DLG1: variants seen among roughly 807,000 people sequenced by gnomAD.
DLG1 encodes discs large MAGUK scaffold protein 1.
A neutral mutation model predicts 123.4 loss-of-function variants in DLG1; 42 were observed. That is an observed-to-expected ratio of 0.34 (90% CI 0.27 to 0.44). The LOEUF is 0.44. DLG1 is among the 20% of genes least tolerant of loss of function. The pLI is 1.00. For synonymous variants in DLG1, 317 were observed against 356.2 expected, an observed-to-expected ratio of 0.89 and a Z score of 1.24; for missense variants, 942 against 1,082.6, an observed-to-expected ratio of 0.87 and a Z score of 1.82.
chr3:197,064,520 T>C (rs1738199469), intron 22 of DLG1, among the ~76,000 whole-genome samples: 1 of 152,208 alleles, frequency 6.6e-6, no homozygotes, highest in Non-Finnish European at 1.5e-5. Flanking sequence ...ATGACTACAG[T>C]TGAACGTCAT....
chr3:197,075,757 T>C, intron 18 of DLG1: 6 of 1,302,050 alleles, frequency 4.6e-6, no homozygotes, highest in South Asian at 3.9e-5. Flanking sequence ...GGCACTACCA[T>C]GAATCTCAAA....
intron 4 of DLG1, among the ~76,000 whole-genome samples, chr3:197,255,965 C>A (rs937906332): frequency 1.3e-5 from 2 of 151,934 alleles, no homozygotes; most frequent in Admixed American, 6.6e-5. Context: ...ATGAAAATAA[C>A]CAGGCTGTGA....
intron 5 of DLG1, among the ~76,000 whole-genome samples, chr3:197,157,234 A>G (rs1577222705): frequency 6.6e-6 from 1 of 152,246 alleles, no homozygotes; most frequent in African/African-American, 2.4e-5. Flanking sequence ...AGGAAGAAGC[A>G]AAATTACTTG....
chr3:197,115,829 A>G, intron 13 of DLG1, 98 bp downstream of exon 13: 1 of 1,162,378 alleles, frequency 8.6e-7, no homozygotes, highest in Admixed American at 2.4e-5. Context: ...TAACCAAGAT[A>G]TCCCCATTAC....
intron 4 of DLG1, among the ~76,000 whole-genome samples, chr3:197,227,037 G>T (rs1740325167): frequency 6.6e-6 from 1 of 152,114 alleles, no homozygotes; most frequent in Non-Finnish European, 1.5e-5. Context: ...CTCAAAAGCT[G>T]AATTAACAAA....
chr3:197,285,436 GATA>G (rs1476023120), intron 3 of DLG1, among the ~76,000 whole-genome samples: 2 of 151,942 alleles, frequency 1.3e-5, no homozygotes, highest in Admixed American at 6.6e-5. Context: ...TCTATGAGAA[GATA>G]ATAATTTTAT....
chr3:197,289,367 C>CACACACAA (rs3219866), intron 3 of DLG1, among the ~76,000 whole-genome samples: 2 of 151,944 alleles, frequency 1.3e-5, no homozygotes, highest in South Asian at 2.1e-4. Flanking sequence ...CACACACACA[C>CACACACAA]AAATAACATT....
intron 6 of DLG1, among the ~76,000 whole-genome samples, chr3:197,143,378 C>G (rs1789045340): frequency 6.6e-6 from 1 of 152,138 alleles, no homozygotes; most frequent in African/African-American, 2.4e-5. Flanking sequence ...GCCTCAGCCT[C>G]CCGAGTAGCT....
chr3:197,193,350 A>T (rs1204536370), intron 5 of DLG1, among the ~76,000 whole-genome samples: 1 of 152,178 alleles, frequency 6.6e-6, no homozygotes, highest in Non-Finnish European at 1.5e-5. Context: ...AACAATGCCA[A>T]AAATAAGAAT....
intron 19 of DLG1, 123 bp downstream of exon 19, chr3:197,069,096 C>G: frequency 1.9e-6 from 1 of 536,730 alleles, no homozygotes; most frequent in Non-Finnish European, 3.1e-6. Context: ...TTGTCTCTCC[C>G]TGATTTTAAA....
At chr3:197,170,481 T>C (rs970451723) in intron 5 of DLG1, among the ~76,000 whole-genome samples, 1 of 152,200 alleles carries the variant, frequency 6.6e-6, no homozygotes, top group Non-Finnish European at 1.5e-5. Context: ...TCTCGTGGCT[T>C]TGATTTGCAT....
chr3:197,081,265 T>C (rs966219550), intron 16 of DLG1, 148 bp from the exon 17 acceptor site: 7 of 649,224 alleles, frequency 1.1e-5, no homozygotes, highest in Admixed American at 6.6e-5. Context: ...CAAATTAGAA[T>C]TGCTGAAAAA....
At position 197,184,171 on chromosome 3, in the gene DLG1, C is replaced by T. The variant is rs1714347361; in HGVS notation, c.483+10254G>A. On this transcript the variant is annotated intron_variant, in intron 5 of 24. Transcript: ENST00000667157. ...AAATCCAGGAAGTGAGGTCGATTAG[C>T]AGGTAAAGAAGGATGCTATAAACAC... 3.0e-6 allele frequency: 3 copies of T among 1,006,562 alleles called. No homozygotes were observed. In the South Asian group the frequency reaches 1.0e-4, roughly 35 times the overall value. The allele number at this position is 1,006,562 out of a possible 1,614,324, so 62.4% of individuals were successfully genotyped here.
chr3:197,091,231 TGA>T (rs1293612389), intron 14 of DLG1, among the ~76,000 whole-genome samples: 1 of 152,084 alleles, frequency 6.6e-6, no homozygotes, highest in Non-Finnish European at 1.5e-5. Flanking sequence ...TAGAATTGGC[TGA>T]GTTAGAATTT....
intron 5 of DLG1, chr3:197,183,666 G>C: frequency 6.4e-7 from 1 of 1,550,560 alleles, no homozygotes; most frequent in Non-Finnish European, 8.7e-7. Flanking sequence ...TGAAGGTTCT[G>C]GCTCAGCTTG....
At chr3:197,050,138 C>T (rs918845336) in intron 24 of DLG1, among the ~76,000 whole-genome samples, 25 of 152,028 alleles carry the variant, frequency 1.6e-4, no homozygotes, top group Admixed American at 1.6e-3. Context: ...GAGGCCGAGT[C>T]GGGTGGATCA....
intron 4 of DLG1, among the ~76,000 whole-genome samples, chr3:197,213,526 G>A (rs1470170836): frequency 1.3e-5 from 2 of 152,056 alleles, no homozygotes; most frequent in East Asian, 1.9e-4. Flanking sequence ...CAAACTGTAC[G>A]CTTTACACAG....
At chr3:197,052,924 T>C (rs1037036468) in intron 23 of DLG1, among the ~76,000 whole-genome samples, 3 of 152,214 alleles carry the variant, frequency 2.0e-5, no homozygotes, top group Non-Finnish European at 4.4e-5. Context: ...ACAAAACTTA[T>C]GAAATAACCA....
chr3:197,060,077 CCA>C (rs1734706319), intron 22 of DLG1, 79 bp from the exon 23 acceptor site: 3 of 974,098 alleles, frequency 3.1e-6, no homozygotes, highest in Non-Finnish European at 4.8e-6. Context: ...TCCTACAGGT[CCA>C]CAGTCTAAAT....
Sources: gnomAD v4.1 joint callset for allele counts (sites outside exome capture counted in the v4.1 genomes callset) on GRCh38, gnomAD v4.1.1 for gene constraint, MANE v1.5 for transcripts, NCBI Gene and HGNC (gene_info 2026-07-23, HGNC 2026-07-21) for gene names.